The following SYDE1 variants were observed in gnomAD, a reference collection of about 807,000 sequenced individuals.
The protein encoded by SYDE1 is rho GTPase-activating protein SYDE1.
In SYDE1, 34 loss-of-function variants were observed where a neutral mutation model predicts 63.3. The ratio of observed to expected loss-of-function variants is 0.54; its 90% CI spans 0.41 to 0.71. SYDE1 has a LOEUF of 0.71. SYDE1 is among the 30% of genes least tolerant of loss of function. The pLI is 0.00. For synonymous variants in SYDE1, 467 were observed against 473.4 expected (o/e 0.99, Z 0.18); for missense variants, 925 against 1,042.5 (o/e 0.89, Z 1.55).
Position 15,114,218 on chromosome 19 carries a change from C to T in SYDE1, c.*255C>T. On this transcript the variant is annotated 3_prime_UTR_variant, in exon 8 of 8. Coordinates refer to ENST00000342784, the MANE Select transcript of SYDE1 (RefSeq NM_033025.6). ...CGGTTGTGACCATCTTTCCTGAGCACCAAGGGCTTCCCCTTTTGTTGCCAA... is the reference window on the plus strand; with the variant it reads ...CGGTTGTGACCATCTTTCCTGAGCATCAAGGGCTTCCCCTTTTGTTGCCAA... 2.1e-6 allele frequency: 1 copy of T among 487,222 alleles called. No individual in the cohort carries two copies. Among genetic ancestry groups the T allele is most frequent in the Non-Finnish European group, 3.6e-6 (1 of 274,708 alleles). 30.2% of individuals were successfully genotyped at this position (487,222 alleles called of 1,614,324 possible).
intron 6 of SYDE1, among the ~76,000 whole-genome samples, chr19:15,112,029 TCAA>T (rs2046348735): frequency 6.6e-6 from 1 of 152,150 alleles, no homozygotes; most frequent in Non-Finnish European, 1.5e-5. Context: ...CGCTGATCTT[TCAA>T]CCTACAAGGG....
intron 1 of SYDE1, among the ~76,000 whole-genome samples, chr19:15,107,770 G>A (rs1205682274): frequency 6.6e-6 from 1 of 152,046 alleles, no homozygotes; most frequent in Non-Finnish European, 1.5e-5. Context: ...GGGAGGCCCG[G>A]GAGGGGGCCT....
At position 15,114,160 on chromosome 19, in the gene SYDE1, C is replaced by T. The variant is rs990950038; in HGVS notation, c.*197C>T. On this transcript the variant is annotated 3_prime_UTR_variant, in exon 8 of 8. Transcript: ENST00000342784. ...GGGCCCGGTATTTGGACACTAGTTG[C>T]CAAGTCTGGGGCCTGGGGATTTTAG... The T allele has an allele frequency of 8.4e-5, 49 of 586,742 alleles. No individual in the cohort carries two copies. The highest frequency in any genetic ancestry group is 3.5e-4 in the Admixed American group (11 of 31,072). The allele number at this position is 586,742 out of a possible 1,614,324, so 36.3% of individuals were successfully genotyped here.
Position 15,113,845 on chromosome 19 carries a change from G to C in SYDE1, c.2090G>C (p.Gly697Ala), listed in dbSNP as rs1318198877. Residue 697 changes from glycine (G) to alanine (A), a missense_variant, in exon 8 of 8, where the codon GGT (glycine) becomes GCT (alanine). Physicochemically the swap from Gly to Ala is moderately conservative, Grantham distance 60. Coordinates refer to ENST00000342784, the MANE Select transcript of SYDE1 (RefSeq NM_033025.6). ...GAGGTCGGCGAGCCGAGGGTCACCG[G>C]TGACTTCGAAGACGACTTCGATGCG... is the stretch of plus-strand genomic sequence containing the variant. ...DEEVGEPRVTGDFEDDFDAPF... is the reference protein window; with the variant it reads ...DEEVGEPRVTADFEDDFDAPF... 6.2e-7 allele frequency: 1 copy of C among 1,614,098 alleles called. No individual in the cohort carries two copies. The highest frequency in any genetic ancestry group is 1.3e-5 in the African/African-American group (1 of 74,950).
Position 15,110,559 on chromosome 19 carries a change from C to A in SYDE1, c.1114C>A (p.Gln372Lys). 6.3e-7 allele frequency: 1 copy of A among 1,597,452 alleles called. No homozygotes were observed. Among genetic ancestry groups the A allele is most frequent in the South Asian group, 1.1e-5 (1 of 88,758 alleles). The change falls in exon 4 of 8, where the codon CAG (glutamine) becomes AAG (lysine). Residue 372 changes from glutamine to lysine, a missense_variant. Coordinates refer to ENST00000342784, the MANE Select transcript of SYDE1 (RefSeq NM_033025.6). This position sits in a 1 kb window ranked among gnomAD's most constrained non-coding sequence, Gnocchi z 6.9. ...AQQLAVRLEP[Q>K]GLLYAKLTLS... ...ACAGCTGGCCGTGCGCCTGGAGCCT[C>A]AGGGGCTGCTGTATGCCAAGCTGAC...
chr19:15,113,976 G>A lies in SYDE1; in HGVS notation c.*13G>A, dbSNP rs886839837. ...CGTGTGCCTCTGAGCCAGATGACGG[G>A]GTGGGACCCCGGTTAGTAAGGACCG... On this transcript the variant is annotated 3_prime_UTR_variant, in exon 8 of 8. Transcript: ENST00000342784. The A allele has an allele frequency of 1.2e-6, 2 of 1,604,658 alleles. No individual in the cohort carries two copies. Among genetic ancestry groups the A allele is most frequent in the Non-Finnish European group, 1.7e-6 (2 of 1,173,894 alleles).
rs771655845 is a variant in SYDE1 at position 15,110,757 on chromosome 19, A to G, written c.1290+22A>G. The G allele has an allele frequency of 6.6e-7, 1 of 1,514,388 alleles. No individual in the cohort carries two copies. The highest frequency in any genetic ancestry group is 8.9e-7 in the Non-Finnish European group (1 of 1,129,300). The allele number at this position is 1,514,388 out of a possible 1,614,324, so 93.8% of individuals were successfully genotyped here. On this transcript the variant is annotated intron_variant, in intron 4 of 7. Coordinates refer to ENST00000342784, the MANE Select transcript of SYDE1 (RefSeq NM_033025.6). This position sits in a 1 kb window ranked among gnomAD's most constrained non-coding sequence, Gnocchi z 6.9. ...GCGGGTGAGCACCCACCCCACCCCA[A>G]CCCTCTGGCCCCCAGACCTCAGACC...
chr19:15,109,495 G>T lies in SYDE1; in HGVS notation c.430+98G>T. 1.5e-6 allele frequency: 2 copies of T among 1,369,718 alleles called. No individual in the cohort carries two copies. 84.8% of individuals were successfully genotyped at this position (1,369,718 alleles called of 1,614,324 possible). On this transcript the variant is annotated intron_variant, in intron 2 of 7. Transcript: ENST00000342784. The surrounding 1 kb of genome is among the most constrained non-coding windows in gnomAD (Gnocchi z 5.0). ...CAGCCTCACACTCCCTCCTCCCAGAGGAGCACCAACCTCACACTCCTTCCC... is the reference window on the plus strand; with the variant it reads ...CAGCCTCACACTCCCTCCTCCCAGATGAGCACCAACCTCACACTCCTTCCC...
rs566422722 is a variant in SYDE1, at chr19:15,113,781, G to A, written c.2026G>A (p.Asp676Asn). The A allele has an allele frequency of 1.9e-6, 3 of 1,614,134 alleles. No individual in the cohort carries two copies. In the Admixed American group the frequency reaches 5.0e-5, roughly 27 times the overall value. Residue 676 changes from aspartate to asparagine, a missense_variant, in exon 8 of 8, where the codon GAC becomes AAC. Transcript: ENST00000342784. ...GGATTTCCTGTCCGGGCCAGACTAC[G>A]ACCACGTGACGGGCAGTGACAGCGA... is the stretch of plus-strand genomic sequence containing the variant. ...GRDFLSGPDY[D>N]HVTGSDSEDE...
rs766451556 is a variant in SYDE1 at position 15,113,677 on chromosome 19, G to A, written c.1922G>A (p.Gly641Glu). The stretch of plus-strand genomic sequence containing the variant: ...GTGGTGACTCGGCCCCGCGGTCGAG[G>A]AGGCCCCGAAAGCCCCCCGAGCAAC... Reference protein sequence around the residue: ...PEVVTRPRGRGGPESPPSNRY... With the variant: ...PEVVTRPRGREGPESPPSNRY... Residue 641 changes from glycine (G) to glutamate (E), a missense_variant, in exon 8 of 8, where the codon GGA becomes GAA. Coordinates refer to ENST00000342784, the MANE Select transcript of SYDE1 (RefSeq NM_033025.6). The A allele has an allele frequency of 8.1e-6, 13 of 1,613,206 alleles. No individual in the cohort carries two copies. Among genetic ancestry groups the A allele is most frequent in the Middle Eastern group, 3.3e-4 (2 of 6,084 alleles).
In SYDE1 at chr19:15,111,430, G is replaced by T; in HGVS notation, c.1408G>T (p.Val470Phe). The T allele has an allele frequency of 6.2e-7, 1 of 1,614,000 alleles. No homozygotes were observed. Among genetic ancestry groups the T allele is most frequent in the Non-Finnish European group, 8.5e-7 (1 of 1,179,936 alleles). The change falls in exon 5 of 8, where the codon GTC becomes TTC. Residue 470 changes from valine to phenylalanine, a missense_variant. By Grantham distance (50) the Val-to-Phe change is conservative. Around this residue, in one of 3 missense-constraint regions of SYDE1, gnomAD observed 71 missense variants for 132.8 expected, o/e 0.53. Coordinates refer to ENST00000342784, the MANE Select transcript of SYDE1 (RefSeq NM_033025.6). This position sits in a 1 kb window ranked among gnomAD's most constrained non-coding sequence, Gnocchi z 5.5. ...TGAGGACCTGTACCCCGATATCAATGTCATCACTGGTCAGCATGGCCCCCT... is the reference window on the plus strand; with the variant it reads ...TGAGGACCTGTACCCCGATATCAATTTCATCACTGGTCAGCATGGCCCCCT... ...LSEDLYPDIN[V>F]ITGILKDYLR... is the part of the protein sequence containing the mutation.
Position 15,110,264 on chromosome 19 carries a change from G to T in SYDE1, c.991G>T (p.Ala331Ser). Residue 331 changes from alanine (A) to serine (S), a missense_variant, in exon 3 of 8, where the codon GCC becomes TCC. Ala to Ser is a moderately conservative substitution (Grantham distance 99). Coordinates refer to ENST00000342784, the MANE Select transcript of SYDE1 (RefSeq NM_033025.6). This position sits in a 1 kb window ranked among gnomAD's most constrained non-coding sequence, Gnocchi z 6.9. ...GCTGGAGGCCGCCAGGCTCCTGCGC[G>T]CCCTGGTGCTTGCGTGGGACCCTGG... ...LELEAARLLRALVLAWDPGVR... is the reference protein window; with the variant it reads ...LELEAARLLRSLVLAWDPGVR... The T allele has an allele frequency of 7.1e-7, 1 of 1,415,628 alleles. No homozygotes were observed. Among genetic ancestry groups the T allele is most frequent in the Non-Finnish European group, 9.2e-7 (1 of 1,087,836 alleles). The allele number at this position is 1,415,628 out of a possible 1,614,324, so 87.7% of individuals were successfully genotyped here.
At position 15,113,983 on chromosome 19, in the gene SYDE1, C is replaced by G; in HGVS notation, c.*20C>G. ...CTCTGAGCCAGATGACGGGGTGGGA[C>G]CCCGGTTAGTAAGGACCGGGCGCCC... On this transcript the variant is annotated 3_prime_UTR_variant, in exon 8 of 8. Coordinates refer to ENST00000342784, the MANE Select transcript of SYDE1 (RefSeq NM_033025.6). 6.2e-7 allele frequency: 1 copy of G among 1,600,764 alleles called. No homozygotes were observed. Among genetic ancestry groups the G allele is most frequent in the South Asian group, 1.1e-5 (1 of 89,738 alleles).
chr19:15,114,004 C>G lies in SYDE1; in HGVS notation c.*41C>G, dbSNP rs540177418. On this transcript the variant is annotated 3_prime_UTR_variant, in exon 8 of 8. Transcript: ENST00000342784. Reference sequence around the variant, plus strand: ...GGGACCCCGGTTAGTAAGGACCGGGCGCCCAGTGGCTAAGGCGGTGCCCTG... The same window carrying G: ...GGGACCCCGGTTAGTAAGGACCGGGGGCCCAGTGGCTAAGGCGGTGCCCTG... 1 of 1,570,648 alleles carries G rather than the reference C, an allele frequency of 6.4e-7. No individual in the cohort carries two copies.
Position 15,110,538 on chromosome 19 carries a change from C to A in SYDE1, c.1093C>A (p.Leu365Met). 1 of 1,588,262 alleles carries A rather than the reference C, an allele frequency of 6.3e-7. No homozygotes were observed. Residue 365 changes from leucine to methionine, a missense_variant, in exon 4 of 8, where the codon CTG (leucine) becomes ATG (methionine). Transcript: ENST00000342784. The surrounding 1 kb of genome is among the most constrained non-coding windows in gnomAD (Gnocchi z 6.9). ...TVFRGCQAQQ[L>M]AVRLEPQGLL... Reference sequence around the variant, plus strand: ...GTCCTCAGGGTGCCAGGCCCAACAGCTGGCCGTGCGCCTGGAGCCTCAGGG... The same window carrying A: ...GTCCTCAGGGTGCCAGGCCCAACAGATGGCCGTGCGCCTGGAGCCTCAGGG...
Position 15,109,526 on chromosome 19 carries a change from G to A in SYDE1, c.430+129G>A, listed in dbSNP as rs1418635169. On this transcript the variant is annotated intron_variant, in intron 2 of 7. Transcript: ENST00000342784. The surrounding 1 kb of genome is among the most constrained non-coding windows in gnomAD (Gnocchi z 5.0). The stretch of plus-strand genomic sequence containing the variant: ...CCAACCTCACACTCCTTCCCTTCAG[G>A]GGAGCACCAGCCTCACATCCCCACC... The A allele has an allele frequency of 8.4e-7, 1 of 1,184,070 alleles. No homozygotes were observed. The highest frequency in any genetic ancestry group is 1.2e-6 in the Non-Finnish European group (1 of 864,858). The allele number at this position is 1,184,070 out of a possible 1,614,324, so 73.3% of individuals were successfully genotyped here. A position where few individuals can be genotyped will look rare whatever the true frequency, so the allele number is the denominator to read the frequency against.
Position 15,111,774 on chromosome 19 carries a change from C to A in SYDE1, c.1560C>A (p.Cys520Ter). The stretch of plus-strand genomic sequence containing the variant: ...AGGGCACCCGAGGGCTCCTCAGCTG[C>A]CTGCCAGATGTGGAAAGGGTGAGTT... Reference protein sequence around the residue: ...TTEGTRGLLSCLPDVERATLT... With the variant: ...TTEGTRGLLS The change falls in exon 6 of 8, where the codon TGC (cysteine) becomes TGA (stop). Residue 520 changes from cysteine to a stop codon, truncating the protein, a stop_gained. Transcript: ENST00000342784. LOFTEE classifies it high-confidence loss of function. The surrounding 1 kb of genome is among the most constrained non-coding windows in gnomAD (Gnocchi z 5.5). 1 of 1,590,306 alleles carries A rather than the reference C, an allele frequency of 6.3e-7. No individual in the cohort carries two copies. Among genetic ancestry groups the A allele is most frequent in the Non-Finnish European group, 8.6e-7 (1 of 1,169,308 alleles).
intron 7 of SYDE1, among the ~76,000 whole-genome samples, chr19:15,113,196 A>G (rs1568330028): frequency 6.6e-6 from 1 of 151,944 alleles, no homozygotes; most frequent in Non-Finnish European, 1.5e-5. Flanking sequence ...TGCACTACCA[A>G]TCCTAGCTAA....
rs372625760 is a variant in SYDE1 at position 15,111,270 on chromosome 19, T to A, written c.1291-43T>A. ...ACCCCACTGGGCCCTGATTAGTCTGTGGCCCCGGCAAGAAGACATTCACTC... is the reference window on the plus strand; with the variant it reads ...ACCCCACTGGGCCCTGATTAGTCTGAGGCCCCGGCAAGAAGACATTCACTC... On this transcript the variant is annotated intron_variant, in intron 4 of 7. Coordinates refer to ENST00000342784, the MANE Select transcript of SYDE1 (RefSeq NM_033025.6). This position sits in a 1 kb window ranked among gnomAD's most constrained non-coding sequence, Gnocchi z 5.5. The A allele has an allele frequency of 6.2e-7, 1 of 1,609,850 alleles. No homozygotes were observed. The highest frequency in any genetic ancestry group is 1.3e-5 in the African/African-American group (1 of 74,848).
Sources: gnomAD v4.1 joint callset for allele counts (sites outside exome capture counted in the v4.1 genomes callset) on GRCh38, gnomAD v4.1.1 for gene constraint, gnomAD v4.1.1 regional missense constraint, Gnocchi (gnomAD v3.1) non-coding constraint, MANE v1.5 for transcripts, NCBI Gene and HGNC (gene_info 2026-07-23, HGNC 2026-07-21) for gene names.